Variants in TRPV2 observed in about 807,000 individuals in gnomAD.
The protein encoded by TRPV2 is OTRPC2.
Under a neutral mutation model 91.0 loss-of-function variants are expected in TRPV2, and 58 were observed. The ratio of observed to expected loss-of-function variants is 0.64; its 90% confidence interval spans 0.52 to 0.79. The LOEUF (loss-of-function observed/expected upper bound fraction) is 0.79. Ranked by LOEUF, TRPV2 falls within the 30% of genes least tolerant of loss-of-function variation. The probability of loss-of-function intolerance (pLI) is 0.00; values close to 1 mark genes in which losing one functional copy is unlikely to be tolerated. For synonymous variants in TRPV2, 417 were observed against 414.8 expected, an observed-to-expected ratio of 1.01 and a Z score of -0.06; for missense variants, 807 against 969.6, an observed-to-expected ratio of 0.83 and a Z score of 2.23.
intron 8 of TRPV2, 107 bp downstream of exon 8, chr17:16,427,654 C>A: frequency 2.0e-6 from 2 of 1,025,340 alleles, no homozygotes; most frequent in Non-Finnish European, 2.8e-6. Context: ...CCAGTCCCAC[C>A]CAGAGCAACC....
chr17:16,419,702 C>T (rs767642579), intron 2 of TRPV2, among the ~76,000 whole-genome samples: 3 of 152,222 alleles, frequency 2.0e-5, no homozygotes, highest in Non-Finnish European at 4.4e-5. Flanking sequence ...CATGCAGCCA[C>T]TGTGAGTCTG....
At chr17:16,424,058 C>T (rs1001345393) in intron 5 of TRPV2, among the ~76,000 whole-genome samples, 4 of 151,980 alleles carry the variant, frequency 2.6e-5, no homozygotes, top group South Asian at 2.1e-4. Context: ...GGTGCGACCT[C>T]GGCTCACCGC....
At chr17:16,434,809 T>C (rs763294214) in intron 13 of TRPV2, 81 bp from the exon 14 acceptor site, 3 of 1,373,932 alleles carry the variant, frequency 2.2e-6, no homozygotes, top group Admixed American at 1.9e-5. Context: ...GTCTCCCAAT[T>C]TGGGGGGCCA....
chr17:16,436,672 G>A (rs1014281333), intron 14 of TRPV2, 117 bp from the exon 15 acceptor site: 156 of 726,596 alleles, frequency 2.1e-4, no homozygotes, highest in Admixed American at 6.0e-5. Context: ...CTCCAGGATC[G>A]CTGAGGCTGT....
At chr17:16,433,207 C>T in intron 12 of TRPV2, 1 of 205,862 alleles carries the variant, frequency 4.9e-6, no homozygotes, top group South Asian at 7.5e-5. Context: ...CACTGGTGTG[C>T]CTCTGGGCAG....
At chr17:16,433,381 A>G (rs978689061) in intron 12 of TRPV2, 193 bp from the exon 13 acceptor site, 2 of 672,048 alleles carry the variant, frequency 3.0e-6, no homozygotes, top group Non-Finnish European at 4.9e-6. Context: ...GGAAACTGAG[A>G]TGCAGAGAGG....
chr17:16,435,364 G>A lies in TRPV2; in HGVS notation c.2194+395G>A, dbSNP rs1019796494. 2.0e-5 allele frequency among the ~76,000 whole-genome samples: 3 copies of A among 152,122 alleles called. No individual in the cohort carries two copies. The highest frequency in any genetic ancestry group is 4.8e-5 in the African/African-American group (2 of 41,408). On this transcript the variant is annotated intron_variant, in intron 14 of 14. Transcript: ENST00000338560. The surrounding 1 kb of genome is among the most constrained non-coding windows in gnomAD (Gnocchi z 4.2). ...AAGTTAGGAAGGGCTGTGTCACAGCGCAGCCTACAACAGAGGCAGCATCTC... is the reference window on the plus strand; with the variant it reads ...AAGTTAGGAAGGGCTGTGTCACAGCACAGCCTACAACAGAGGCAGCATCTC...
At chr17:16,420,832 C>T (rs1445405707) in intron 3 of TRPV2, among the ~76,000 whole-genome samples, 1 of 151,926 alleles carries the variant, frequency 6.6e-6, no homozygotes, top group South Asian at 2.1e-4. Flanking sequence ...CCCAGGCTGG[C>T]CTCAAACTCC....
intron 8 of TRPV2, among the ~76,000 whole-genome samples, chr17:16,427,769 C>T (rs1208671750): frequency 6.6e-6 from 1 of 152,190 alleles, no homozygotes; most frequent in Non-Finnish European, 1.5e-5. Flanking sequence ...GATAGCTTCT[C>T]TGATTCCTTG....
At chr17:16,422,259 C>G (rs2093361256) in intron 3 of TRPV2, among the ~76,000 whole-genome samples, 2 of 147,416 alleles carry the variant, frequency 1.4e-5, no homozygotes, top group South Asian at 4.2e-4. Context: ...GGAGGCAGAG[C>G]TTGCAGTGAG....
intron 10 of TRPV2, among the ~76,000 whole-genome samples, chr17:16,430,185 A>T (rs1253176584): frequency 1.3e-5 from 2 of 151,214 alleles, no homozygotes; most frequent in African/African-American, 2.4e-5. Context: ...TTTTTTTTTT[A>T]AAGTATACAG....
At chr17:16,427,301 G>T in intron 7 of TRPV2, 148 bp from the exon 8 acceptor site, 1 of 663,358 alleles carries the variant, frequency 1.5e-6, no homozygotes, top group Non-Finnish European at 2.6e-6. Context: ...AGGATCCAGG[G>T]GTCCTTCCCT....
intron 2 of TRPV2, chr17:16,419,284 G>GCTAGATT (rs769947084): frequency 1.5e-5 from 7 of 470,322 alleles, no homozygotes; most frequent in Non-Finnish European, 2.6e-5. Context: ...ACCAGACGCT[G>GCTAGATT]CTAGATTCTA....
intron 10 of TRPV2, among the ~76,000 whole-genome samples, chr17:16,431,564 G>A (rs111742958): frequency 0.037 from 5,679 of 152,020 alleles, 385 homozygotes; most frequent in African/African-American, 0.13. Flanking sequence ...CTCCCAAAGT[G>A]CTAGGATTAT....
intron 2 of TRPV2, 98 bp downstream of exon 2, chr17:16,417,966 C>T: frequency 8.3e-7 from 1 of 1,207,812 alleles, no homozygotes; most frequent in Non-Finnish European, 1.2e-6. Flanking sequence ...CACCAGTGCC[C>T]CTTCCCACAG....
Position 16,426,666 on chromosome 17 carries a change from G to A in TRPV2, c.1096-56G>A. ...CCTTGCTTTGATCTTGACATGGAGT[G>A]GGCAGCCTATTTGCACTTGTTGAGT... On this transcript the variant is annotated intron_variant, in intron 6 of 14. Transcript: ENST00000338560. The surrounding 1 kb of genome is among the most constrained non-coding windows in gnomAD (Gnocchi z 6.0). The A allele has an allele frequency of 1.3e-6, 2 of 1,567,508 alleles. No homozygotes were observed. The highest frequency in any genetic ancestry group is 1.7e-6 in the Non-Finnish European group (2 of 1,155,078).
Position 16,428,217 on chromosome 17 carries a change from C to T in TRPV2, c.1351-100C>T, listed in dbSNP as rs554772579. The T allele has an allele frequency of 3.7e-4, 409 of 1,102,184 alleles. 7 individuals carry two copies. The South Asian group carries it at 4.9e-3, about 13-fold the overall frequency. 68.3% of individuals were successfully genotyped at this position (1,102,184 alleles called of 1,614,324 possible). On this transcript the variant is annotated intron_variant, in intron 8 of 14. Transcript: ENST00000338560. ...AGTCCCCCAAAACCAAAGCTGCTGA[C>T]TTAGCTCTAGCCTGGGTGGCAGGCT...
rs1355028326 is a variant in TRPV2, at chr17:16,427,485, T to C, written c.1288T>C (p.Ser430Pro). ...TCACCTGAAAGCGGAGGTTGGAAAC[T>C]CCATGCTGCTGACGGGCCACATCCT... The part of the protein sequence containing the change: ...APHLKAEVGN[S>P]MLLTGHILIL... Residue 430 changes from serine (S) to proline (P), a missense_variant, in exon 8 of 15, where the codon TCC becomes CCC. By Grantham distance (74) the Ser-to-Pro change is moderately conservative. Coordinates refer to ENST00000338560, the MANE Select transcript of TRPV2 (RefSeq NM_016113.5). 2.5e-6 allele frequency: 4 copies of C among 1,613,796 alleles called. No homozygotes were observed. In the Admixed American group the frequency reaches 5.0e-5, roughly 20 times the overall value.
In TRPV2 at chr17:16,417,793, A is replaced by G; in HGVS notation, c.125A>G (p.Gln42Arg). Residue 42 changes from glutamine to arginine, a missense_variant, in exon 2 of 15, where the codon CAG becomes CGG. Physicochemically the swap from Gln to Arg is conservative, Grantham distance 43. Coordinates refer to ENST00000338560, the MANE Select transcript of TRPV2 (RefSeq NM_016113.5). ...FGSGLPPMES[Q>R]FQGEDRKFAP... ...AGCGGGCTGCCTCCCATGGAGTCAC[A>G]GTTCCAGGGCGAGGACCGGAAATTC... 6.2e-7 allele frequency: 1 copy of G among 1,614,206 alleles called. No homozygotes were observed. Among genetic ancestry groups the G allele is most frequent in the Non-Finnish European group, 8.5e-7 (1 of 1,180,020 alleles).
Sources: allele counts gnomAD v4.1 joint callset (sites outside exome capture counted in the v4.1 genomes callset), GRCh38; gene constraint gnomAD v4.1.1; non-coding constraint Gnocchi (gnomAD v3.1); transcripts MANE v1.5; gene names NCBI Gene and HGNC (gene_info 2026-07-23, HGNC 2026-07-21).